The following EML3 variants were observed in gnomAD, a reference collection of about 807,000 sequenced individuals.
EML3 encodes echinoderm microtubule-associated protein-like 3.
In EML3, 53 loss-of-function variants were observed where a neutral mutation model predicts 106.7. The ratio of observed to expected loss-of-function variants is 0.50; its 90% CI spans 0.40 to 0.62. EML3 has a LOEUF of 0.62. Ranked by LOEUF, EML3 falls within the 20% of genes least tolerant of loss-of-function variation. The pLI, the probability that EML3 is intolerant of heterozygous loss-of-function variation, is 0.00. For synonymous variants in EML3, 499 were observed against 489.6 expected (o/e 1.02, Z -0.25); for missense variants, 994 against 1,209.1 (o/e 0.82, Z 2.64).
chr11:62,606,246 T>TG, intron 12 of EML3, 32 bp from the exon 13 acceptor site: 1 of 1,606,232 alleles, frequency 6.2e-7, no homozygotes, highest in Non-Finnish European at 8.5e-7. Flanking sequence ...GATCATGTTT[T>TG]GGGGGTGCAG....
At position 62,610,949 on chromosome 11, in the gene EML3, G is replaced by GC; in HGVS notation, c.495dup (p.Pro166AlafsTer72). Reference sequence around the variant, plus strand: ...GCCTTCCTGGAGAGCTTCTGCCGAGGCCGCTCTGAGGGGGATGAGGAGGAG... The same window carrying GC: ...GCCTTCCTGGAGAGCTTCTGCCGAGGCCCGCTCTGAGGGGGATGAGGAGGAG... On this transcript the variant is annotated frameshift_variant, in exon 4 of 22. Transcript: ENST00000394773. LOFTEE classifies it high-confidence loss of function. The GC allele has an allele frequency of 6.2e-7, 1 of 1,613,738 alleles. No homozygotes were observed. The highest frequency in any genetic ancestry group is 8.5e-7 in the Non-Finnish European group (1 of 1,179,916).
Position 62,605,987 on chromosome 11 carries a change from A to G in EML3, c.1657-7T>C. The G allele has an allele frequency of 1.2e-6, 2 of 1,613,954 alleles. No homozygotes were observed. Among genetic ancestry groups the G allele is most frequent in the Non-Finnish European group, 1.7e-6 (2 of 1,180,006 alleles). The stretch of plus-strand genomic sequence containing the variant: ...CCCCGAAGTGCTCGGGAATCTGCAG[A>G]GTGGTAGCAGAATGTCAAGAGCCCA... On this transcript the variant is annotated splice_region_variant and splice_polypyrimidine_tract_variant and intron_variant, in intron 13 of 21. Transcript: ENST00000394773. The surrounding 1 kb of genome is among the most constrained non-coding windows in gnomAD (Gnocchi z 5.2).
rs147061872 is a variant in EML3, at chr11:62,610,188, C to T, written c.567-492G>A. Among the ~76,000 whole-genome samples the T allele has an allele frequency of 4.7e-4, 72 of 152,336 alleles. 1 individual carries two copies. In the South Asian group the frequency reaches 0.011, roughly 23 times the overall value. ...GGGAGTCGAGAATGTACACCAGCTCCGCCTCTCAGGGATCCGGGAGGCAAG... is the reference window on the plus strand; with the variant it reads ...GGGAGTCGAGAATGTACACCAGCTCTGCCTCTCAGGGATCCGGGAGGCAAG... On this transcript the variant is annotated intron_variant, in intron 4 of 21. Transcript: ENST00000394773.
In EML3 at chr11:62,609,380, C is replaced by A; in HGVS notation, c.732G>T (p.Pro244=). 2 of 1,591,810 alleles carry A rather than the reference C, an allele frequency of 1.3e-6. No homozygotes were observed. The highest frequency in any genetic ancestry group is 1.3e-5 in the African/African-American group (1 of 74,210). ...CCCAGTCAAGGCTGAGGGTCTCTGG[C>A]GGTGGGCCACTCGGCAGCTCCTCAA... is the stretch of plus-strand genomic sequence containing the variant. ...RSLEELPSGP[P]PETLSLDWVY... is the part of the protein sequence containing the mutation. Residue 244 remains proline, a synonymous_variant, in exon 6 of 22, where the codon CCG becomes CCT. Coordinates refer to ENST00000394773, the MANE Select transcript of EML3 (RefSeq NM_153265.3).
intron 11 of EML3, 169 bp from the exon 12 acceptor site, chr11:62,607,268 T>A: frequency 1.4e-6 from 1 of 717,956 alleles, no homozygotes; most frequent in Non-Finnish European, 2.2e-6. Flanking sequence ...GCCAATATGG[T>A]GAAATCCCGC....
chr11:62,611,003 C>T lies in EML3; in HGVS notation c.453-11G>A, dbSNP rs919267442. On this transcript the variant is annotated splice_polypyrimidine_tract_variant and intron_variant, in intron 3 of 21. Coordinates refer to ENST00000394773, the MANE Select transcript of EML3 (RefSeq NM_153265.3). ...GAATTTCTTCGCGGCCTGGTGGGGGCATAGTGAAGGTCATTCCCTCCAACT... is the reference window on the plus strand; with the variant it reads ...GAATTTCTTCGCGGCCTGGTGGGGGTATAGTGAAGGTCATTCCCTCCAACT... 6.2e-7 allele frequency: 1 copy of T among 1,612,018 alleles called. No homozygotes were observed.
At position 62,605,602 on chromosome 11, in the gene EML3, G is replaced by T; in HGVS notation, c.1914+40C>A. 6.6e-7 allele frequency: 1 copy of T among 1,510,508 alleles called. No homozygotes were observed. The highest frequency in any genetic ancestry group is 8.8e-7 in the Non-Finnish European group (1 of 1,130,362). The allele number at this position is 1,510,508 out of a possible 1,614,324, so 93.6% of individuals were successfully genotyped here. On this transcript the variant is annotated intron_variant, in intron 15 of 21. Coordinates refer to ENST00000394773, the MANE Select transcript of EML3 (RefSeq NM_153265.3). The surrounding 1 kb of genome is among the most constrained non-coding windows in gnomAD (Gnocchi z 5.2). ...AGGCGTGGTGGCCACAGGTGTCCTG[G>T]TGGGTGTGGCATGGGGGATCCAGGG...
Position 62,607,672 on chromosome 11 carries a change from G to C in EML3, c.1356C>G (p.Val452=). 6.2e-7 allele frequency: 1 copy of C among 1,612,958 alleles called. No individual in the cohort carries two copies. The highest frequency in any genetic ancestry group is 8.5e-7 in the Non-Finnish European group (1 of 1,179,622). The change falls in exon 11 of 22, where the codon GTC becomes GTG. Residue 452 remains valine, a synonymous_variant. Coordinates refer to ENST00000394773, the MANE Select transcript of EML3 (RefSeq NM_153265.3). ...GNGTLTRKQG[V]FGKYKKPKFI... ...CCACTTATCCATGCCTCACCCCAAAGACACCCTGTTTCCGGGTAAGGGTCC... is the reference window on the plus strand; with the variant it reads ...CCACTTATCCATGCCTCACCCCAAACACACCCTGTTTCCGGGTAAGGGTCC...
chr11:62,610,747 A>T, intron 4 of EML3, 132 bp downstream of exon 4: 1 of 752,014 alleles, frequency 1.3e-6, no homozygotes, highest in Non-Finnish European at 2.1e-6. Flanking sequence ...CAGGCGCCCC[A>T]GAAGTGTTTG....
intron 19 of EML3, 142 bp from the exon 20 acceptor site, chr11:62,603,389 C>G: frequency 1.3e-6 from 1 of 747,568 alleles, no homozygotes; most frequent in Non-Finnish European, 2.2e-6. Flanking sequence ...ACCTCCTCCC[C>G]CTGTGAAACC....
chr11:62,607,049 T>C lies in EML3; in HGVS notation c.1413A>G (p.Gly471=). 1 of 1,614,098 alleles carries C rather than the reference T, an allele frequency of 6.2e-7. No individual in the cohort carries two copies. The highest frequency in any genetic ancestry group is 8.5e-7 in the Non-Finnish European group (1 of 1,180,006). Residue 471 remains glycine, a synonymous_variant, in exon 12 of 22, where the codon GGA becomes GGG. Transcript: ENST00000394773. The part of the protein sequence containing the change: ...FIPCFVFLPD[G]DILTGDSEGN... ...CCTCTGAGTCTCCAGTGAGAATGTC[T>C]CCATCCGGAAGGAACACAAAGCAAG...
chr11:62,607,182 T>A, intron 11 of EML3, 83 bp from the exon 12 acceptor site: 1 of 1,534,856 alleles, frequency 6.5e-7, no homozygotes, highest in Non-Finnish European at 8.8e-7. Context: ...GTGCAGTGGC[T>A]CATGCCTGTA....
chr11:62,606,307 C>A, intron 12 of EML3, 93 bp from the exon 13 acceptor site: 1 of 1,423,940 alleles, frequency 7.0e-7, no homozygotes, highest in Non-Finnish European at 9.6e-7. Context: ...TAAGAACTCC[C>A]AGCCATTGCA....
chr11:62,609,959 C>T (rs968078669), intron 4 of EML3, among the ~76,000 whole-genome samples: 1 of 152,228 alleles, frequency 6.6e-6, no homozygotes, highest in Non-Finnish European at 1.5e-5. Flanking sequence ...AGAGCCCTTT[C>T]TCTCCTCCAG....
Position 62,612,672 on chromosome 11 carries a change from C to A in EML3, c.-215G>T. The A allele has an allele frequency of 2.5e-6, 1 of 401,640 alleles. No homozygotes were observed. The highest frequency in any genetic ancestry group is 4.0e-5 in the East Asian group (1 of 25,064). The allele number at this position is 401,640 out of a possible 1,614,324, so 24.9% of individuals were successfully genotyped here. ...CTCCAGACCCCCCCGGGCCCTCGGA[C>A]TCTCCCGGGGCCGCTCTCGGCTCCC... is the stretch of plus-strand genomic sequence containing the variant. On this transcript the variant is annotated 5_prime_UTR_variant, in exon 1 of 22. Transcript: ENST00000394773.
At position 62,608,758 on chromosome 11, in the gene EML3, G is replaced by A; in HGVS notation, c.977C>T (p.Ala326Val). 1 of 1,599,848 alleles carries A rather than the reference G, an allele frequency of 6.3e-7. No homozygotes were observed. Among genetic ancestry groups the A allele is most frequent in the Non-Finnish European group, 8.5e-7 (1 of 1,171,480 alleles). ...TACCTTTCCATCCTTATCCACTCCA[G>A]CTGTCTGTCCCGAGGCTACCCGAAC... is the stretch of plus-strand genomic sequence containing the variant. The part of the protein sequence containing the change: ...DGVRVASGQT[A>V]GVDKDGKPLQ... The change falls in exon 8 of 22, where the codon GCT becomes GTT. Residue 326 changes from alanine to valine, a missense_variant. Coordinates refer to ENST00000394773, the MANE Select transcript of EML3 (RefSeq NM_153265.3).
chr11:62,608,533 C>G lies in EML3; in HGVS notation c.1110+9G>C, dbSNP rs766471356. On this transcript the variant is annotated intron_variant, in intron 9 of 21. Transcript: ENST00000394773. ...GAATGGGGGTCTAGAGGCTTCAGGG[C>G]CAGCTCACCGCAGCTGAAAAGGCCA... 1.2e-6 allele frequency: 2 copies of G among 1,612,092 alleles called. No individual in the cohort carries two copies. Among genetic ancestry groups the G allele is most frequent in the Non-Finnish European group, 1.7e-6 (2 of 1,178,864 alleles).
At chr11:62,603,024 G>GGAGGGA in intron 20 of EML3, 125 bp downstream of exon 20, 1 of 991,332 alleles carries the variant, frequency 1.0e-6, no homozygotes, top group Non-Finnish European at 1.5e-6. Context: ...GTCCCGAGGG[G>GGAGGGA]CCTCCTGGGC....
chr11:62,611,299 C>G lies in EML3; in HGVS notation c.240G>C (p.Leu80Phe). 6.2e-7 allele frequency: 1 copy of G among 1,612,952 alleles called. No individual in the cohort carries two copies. Among genetic ancestry groups the G allele is most frequent in the Non-Finnish European group, 8.5e-7 (1 of 1,179,892 alleles). The change falls in exon 3 of 22, where the codon TTG becomes TTC. Residue 80 changes from leucine (L) to phenylalanine (F), a missense_variant. By Grantham distance (22) the Leu-to-Phe change is conservative. Coordinates refer to ENST00000394773, the MANE Select transcript of EML3 (RefSeq NM_153265.3). ...PGLPPTCTPS[L>F]VSRGTQTETE... ...TCTCCGTCTGGGTGCCTCGGCTCAC[C>G]AAGGAAGGGGTGCACGTGGGTGGCA...
Sources: gnomAD v4.1 joint callset for allele counts (sites outside exome capture counted in the v4.1 genomes callset) on GRCh38, gnomAD v4.1.1 for gene constraint, Gnocchi (gnomAD v3.1) non-coding constraint, MANE v1.5 for transcripts, NCBI Gene and HGNC (gene_info 2026-07-23, HGNC 2026-07-21) for gene names.